The following ESYT2 variants were observed in gnomAD, a reference collection of about 807,000 sequenced individuals.
The protein encoded by ESYT2 is extended synaptotagmin 2, also known as extended synaptotagmin-2.
A neutral mutation model predicts 107.2 loss-of-function variants in ESYT2; 54 were observed. The ratio of observed to expected loss-of-function variants is 0.50; its 90% CI spans 0.40 to 0.63. ESYT2 has a LOEUF of 0.63. ESYT2 is among the 30% of genes least tolerant of loss of function. The pLI, the probability that ESYT2 is intolerant of heterozygous loss-of-function variation, is 0.00. For synonymous variants in ESYT2, 491 were observed against 434.1 expected (o/e 1.13, Z -1.63); for missense variants, 1,020 against 1,094.5 (o/e 0.93, Z 0.96).
intron 13 of ESYT2, among the ~76,000 whole-genome samples, chr7:158,755,652 C>T (rs763324173): frequency 1.3e-5 from 2 of 152,204 alleles, no homozygotes; most frequent in African/African-American, 2.4e-5. Context: ...ACAGGTACTG[C>T]TGACCTCACT....
chr7:158,827,754 A>T (rs56729369), intron 1 of ESYT2: 1 of 152,188 alleles, frequency 6.6e-6, no homozygotes, highest in African/African-American at 2.4e-5. Context: ...ATGACTGGAA[A>T]CAGGGACTTT....
chr7:158,741,982 CA>C (rs1227271628), intron 17 of ESYT2, 86 bp from the exon 18 acceptor site: 1 of 1,419,762 alleles, frequency 7.0e-7, no homozygotes, highest in Non-Finnish European at 9.3e-7. Context: ...TCTTTACCTG[CA>C]AAAATTTCTT....
At chr7:158,792,666 T>C (rs994666572) in intron 4 of ESYT2, among the ~76,000 whole-genome samples, 2 of 151,786 alleles carry the variant, frequency 1.3e-5, no homozygotes, top group East Asian at 1.9e-4. Context: ...GAACTCACAA[T>C]ATTGTGTTGA....
chr7:158,782,400 A>G (rs1374963933), intron 6 of ESYT2, among the ~76,000 whole-genome samples: 1 of 114,004 alleles, frequency 8.8e-6, no homozygotes, highest in African/African-American at 3.8e-5. Context: ...GAACGAGAAC[A>G]AGTGAGTGAA....
At chr7:158,737,221 A>C in intron 19 of ESYT2, 42 bp from the exon 20 acceptor site, 1 of 1,593,632 alleles carries the variant, frequency 6.3e-7, no homozygotes, top group Non-Finnish European at 8.6e-7. Flanking sequence ...TAGGACCGAG[A>C]AAAAGAGAAT....
At position 158,731,196 on chromosome 7, in the gene ESYT2, A is replaced by C. The variant is rs1836734625; in HGVS notation, c.*3011T>G. 6.6e-6 allele frequency: 1 copy of C among 152,230 alleles called. No homozygotes were observed. Among genetic ancestry groups the C allele is most frequent in the Non-Finnish European group, 1.5e-5 (1 of 68,042 alleles). 9.4% of individuals were successfully genotyped at this position (152,230 alleles called of 1,614,324 possible). On this transcript the variant is annotated 3_prime_UTR_variant, in exon 23 of 23. Coordinates refer to ENST00000275418, the MANE Select transcript of ESYT2 (RefSeq NM_001367773.1). ...CTACACACAGGCCTGCATTTGGCTT[A>C]TGTGCCTGAAAAAGAAGGGCCGACC...
At chr7:158,797,563 A>G (rs1322868598) in intron 3 of ESYT2, among the ~76,000 whole-genome samples, 4 of 151,964 alleles carry the variant, frequency 2.6e-5, no homozygotes, top group Admixed American at 6.6e-5. Flanking sequence ...TTAAAAGAAA[A>G]TGTGTTTTTC....
At chr7:158,765,965 C>T (rs774554100) in intron 8 of ESYT2, among the ~76,000 whole-genome samples, 1 of 151,836 alleles carries the variant, frequency 6.6e-6, no homozygotes, top group African/African-American at 2.4e-5. Context: ...TTTGGGAGGC[C>T]GAGGTGGGCG....
intron 16 of ESYT2, among the ~76,000 whole-genome samples, chr7:158,746,172 G>T (rs1176780006): frequency 6.6e-6 from 1 of 151,882 alleles, no homozygotes; most frequent in African/African-American, 2.4e-5. Context: ...CTTGAGCTCA[G>T]GAGTTCGAGA....
intron 6 of ESYT2, among the ~76,000 whole-genome samples, chr7:158,787,097 A>C (rs968099027): frequency 1.3e-5 from 2 of 152,160 alleles, no homozygotes; most frequent in Non-Finnish European, 2.9e-5. Flanking sequence ...CACGGAGGGC[A>C]GCAAAGGGAG....
In ESYT2 at chr7:158,756,341, C is replaced by T. The variant is rs117868622; in HGVS notation, c.1419+3145G>A. The stretch of plus-strand genomic sequence containing the variant: ...AACAGCACAGGTATCCAGTGCCAGA[C>T]GGGCAACATATGATGAGATGGGAAC... On this transcript the variant is annotated intron_variant, in intron 13 of 22. Coordinates refer to ENST00000275418, the MANE Select transcript of ESYT2 (RefSeq NM_001367773.1). 6.1e-3 allele frequency among the ~76,000 whole-genome samples: 923 copies of T among 152,242 alleles called. 7 individuals carry two copies. The highest frequency in any genetic ancestry group is 0.048 in the Middle Eastern group (14 of 294).
chr7:158,797,820 C>T (rs1429591617), intron 3 of ESYT2, 122 bp downstream of exon 3: 3 of 1,342,892 alleles, frequency 2.2e-6, no homozygotes, highest in South Asian at 1.5e-5. Context: ...TGCCACTGCA[C>T]TCCAGCCTGG....
chr7:158,776,475 C>T (rs1391876357), intron 6 of ESYT2, among the ~76,000 whole-genome samples: 1 of 152,198 alleles, frequency 6.6e-6, no homozygotes, highest in African/African-American at 2.4e-5. Context: ...GCTATTTTAC[C>T]TTGCACTTTT....
intron 6 of ESYT2, among the ~76,000 whole-genome samples, chr7:158,775,119 C>G (rs1408562618): frequency 6.6e-6 from 1 of 152,078 alleles, no homozygotes; most frequent in Non-Finnish European, 1.5e-5. Context: ...TTTTTGGTTT[C>G]CCAAGGCATA....
At chr7:158,771,654 T>C (rs1389763761) in intron 7 of ESYT2, among the ~76,000 whole-genome samples, 1 of 152,150 alleles carries the variant, frequency 6.6e-6, no homozygotes, top group South Asian at 2.1e-4. Context: ...GAGAGAGCCC[T>C]TATGGTGCCC....
At chr7:158,751,979 G>A (rs559981398) in intron 14 of ESYT2, among the ~76,000 whole-genome samples, 7 of 152,244 alleles carry the variant, frequency 4.6e-5, no homozygotes, top group African/African-American at 9.6e-5. Flanking sequence ...GTGGGGGTTC[G>A]CAAATACCAC....
chr7:158,739,190 T>C (rs1411617308), intron 18 of ESYT2, 69 bp from the exon 19 acceptor site: 6 of 1,289,924 alleles, frequency 4.7e-6, no homozygotes, highest in Non-Finnish European at 6.6e-6. Context: ...ATTGGTCCAC[T>C]GTACACGATA....
At chr7:158,798,140 T>C in intron 2 of ESYT2, 64 bp from the exon 3 acceptor site, 7 of 1,575,432 alleles carry the variant, frequency 4.4e-6, no homozygotes, top group Non-Finnish European at 6.1e-6. Context: ...ACACGAGTGC[T>C]CGTGAGAAAC....
At chr7:158,823,329 G>A (rs1279244747) in intron 1 of ESYT2, among the ~76,000 whole-genome samples, 6 of 141,360 alleles carry the variant, frequency 4.2e-5, no homozygotes, top group Non-Finnish European at 7.6e-5. Flanking sequence ...AAAGACATTG[G>A]ATTTTTTTTT....
Sources: gnomAD v4.1 joint callset for allele counts (sites outside exome capture counted in the v4.1 genomes callset) on GRCh38, gnomAD v4.1.1 for gene constraint, MANE v1.5 for transcripts, NCBI Gene and HGNC (gene_info 2026-07-23, HGNC 2026-07-21) for gene names.